The following INTS1 variants were observed in gnomAD, a reference collection of about 807,000 sequenced individuals.
INTS1 encodes integrator complex subunit 1.
A neutral mutation model predicts 241.6 loss-of-function variants in INTS1; 137 were observed. The ratio of observed to expected loss-of-function variants is 0.57; its 90% CI spans 0.49 to 0.65. The LOEUF is 0.65. Among genes scored for constraint, INTS1 ranks in the 30% least tolerant of loss-of-function variants. INTS1 has a pLI of 0.00. For missense variants in INTS1, 3,073 were observed against 3,032.2 expected, an observed-to-expected ratio of 1.01 and a Z score of -0.32; for synonymous variants, 1,692 against 1,337.8, an observed-to-expected ratio of 1.26 and a Z score of -5.78.
Position 1,478,590 on chromosome 7 carries a change from G to A in INTS1, c.4490-84C>T, listed in dbSNP as rs112935778. 599 of 1,526,352 alleles carry A rather than the reference G, an allele frequency of 3.9e-4. 2 individuals carry two copies. Among genetic ancestry groups the A allele is most frequent in the African/African-American group, 1.2e-3 (87 of 73,066 alleles). The allele number at this position is 1,526,352 out of a possible 1,614,324, so 94.6% of individuals were successfully genotyped here. ...CATCCAGGGAGGCCCCACGGTAGAA[G>A]GGCTCCCCTGGGCCCACGCGGGTAC... is the stretch of plus-strand genomic sequence containing the variant. On this transcript the variant is annotated intron_variant, in intron 32 of 47. Coordinates refer to ENST00000404767, the MANE Select transcript of INTS1 (RefSeq NM_001080453.3).
intron 16 of INTS1, among the ~76,000 whole-genome samples, chr7:1,490,194 G>A (rs1202004591): frequency 6.6e-6 from 1 of 152,260 alleles, no homozygotes; most frequent in Admixed American, 6.5e-5. Context: ...GAGAGAGGCA[G>A]GAGAACCTCA....
intron 16 of INTS1, among the ~76,000 whole-genome samples, chr7:1,490,060 G>A (rs948772162): frequency 6.2e-5 from 9 of 144,598 alleles, no homozygotes; most frequent in African/African-American, 2.2e-4. Flanking sequence ...CGGGCCCCTC[G>A]GGTGAGGAAA....
chr7:1,477,404 G>A (rs1328346246), intron 35 of INTS1, 146 bp downstream of exon 35: 1 of 919,416 alleles, frequency 1.1e-6, no homozygotes, highest in Non-Finnish European at 1.6e-6. Context: ...CCCTTCCTCT[G>A]GGTTGCTACA....
Position 1,483,867 on chromosome 7 carries a change from G to A in INTS1, c.3430-14C>T. On this transcript the variant is annotated splice_polypyrimidine_tract_variant and intron_variant, in intron 25 of 47. Coordinates refer to ENST00000404767, the MANE Select transcript of INTS1 (RefSeq NM_001080453.3). ...CTGAGACTCCGACTGTGGGAAAAGA[G>A]GTGGAGTCAGGCCGTAAGGTTCAGG... 1.2e-6 allele frequency: 2 copies of A among 1,604,404 alleles called. No homozygotes were observed. Among genetic ancestry groups the A allele is most frequent in the African/African-American group, 1.3e-5 (1 of 74,892 alleles).
intron 42 of INTS1, among the ~76,000 whole-genome samples, 185 bp from the exon 43 acceptor site, chr7:1,473,369 T>C (rs1444456033): frequency 1.3e-5 from 2 of 152,064 alleles, no homozygotes; most frequent in Non-Finnish European, 2.9e-5. Context: ...GCCAGAGAGC[T>C]GCAGGGGTGG....
At chr7:1,477,409 G>A (rs1274737230) in intron 35 of INTS1, 141 bp downstream of exon 35, 4 of 958,326 alleles carry the variant, frequency 4.2e-6, no homozygotes, top group African/African-American at 1.7e-5. Flanking sequence ...CCTCTGGGTT[G>A]CTACAGGGAC....
intron 39 of INTS1, 49 bp from the exon 40 acceptor site, chr7:1,474,887 GC>G: frequency 2.6e-6 from 4 of 1,537,072 alleles, no homozygotes; most frequent in Non-Finnish European, 3.5e-6. Context: ...CCCCTCACTT[GC>G]CCACCCACAC....
chr7:1,492,568 A>G (rs1328583299), intron 16 of INTS1, among the ~76,000 whole-genome samples: 5 of 152,280 alleles, frequency 3.3e-5, no homozygotes, highest in African/African-American at 7.2e-5. Flanking sequence ...CACACTTTAG[A>G]TAACACGTAC....
At chr7:1,487,535 G>A in intron 19 of INTS1, 86 bp from the exon 20 acceptor site, 1 of 1,493,546 alleles carries the variant, frequency 6.7e-7, no homozygotes, top group South Asian at 1.3e-5. Flanking sequence ...CTGCTTCGAG[G>A]GGCAGCCGAC....
At chr7:1,482,838 C>T (rs1782060677) in intron 26 of INTS1, 131 bp from the exon 27 acceptor site, 1 of 1,091,680 alleles carries the variant, frequency 9.2e-7, no homozygotes, top group African/African-American at 1.6e-5. Context: ...CACGGGGCTC[C>T]TGTGCTAGGT....
intron 24 of INTS1, 138 bp from the exon 25 acceptor site, chr7:1,484,308 A>G (rs767468644): frequency 1.1e-6 from 1 of 892,214 alleles, no homozygotes; most frequent in Non-Finnish European, 1.7e-6. Flanking sequence ...ACTCAGCCGC[A>G]GGCCGCCAGG....
At chr7:1,498,944 C>CGGG in intron 8 of INTS1, 31 bp downstream of exon 8, 1 of 1,106,262 alleles carries the variant, frequency 9.0e-7, no homozygotes, top group Non-Finnish European at 1.3e-6. Context: ...CCACCCCCTG[C>CGGG]CCCGCCCACC....
At position 1,478,402 on chromosome 7, in the gene INTS1, C is replaced by T. The variant is rs781290059; in HGVS notation, c.4594G>A (p.Glu1532Lys). 1 of 1,612,610 alleles carries T rather than the reference C, an allele frequency of 6.2e-7. No homozygotes were observed. The highest frequency in any genetic ancestry group is 1.3e-5 in the African/African-American group (1 of 74,926). Residue 1532 changes from glutamate to lysine, a missense_variant, in exon 33 of 48, where the codon GAG (glutamate) becomes AAG (lysine). Transcript: ENST00000404767. The stretch of plus-strand genomic sequence containing the variant: ...AGGTCCGGCTCCACGCTGCACTGCT[C>T]CCCAGACCTCAGGGTGGCGATGACG... ...RAVIATLRSG[E>K]QCSVEPDLIS...
rs368845872 is a variant in INTS1, at chr7:1,482,663, C to T, written c.3586G>A (p.Glu1196Lys). 1.4e-5 allele frequency: 22 copies of T among 1,612,646 alleles called. No homozygotes were observed. The African/African-American group carries it at 1.7e-4, about 13-fold the overall frequency. The change falls in exon 27 of 48, where the codon GAG (glutamate) becomes AAG (lysine). Residue 1196 changes from glutamate to lysine, a missense_variant. By Grantham distance (56) the Glu-to-Lys change is moderately conservative (BLOSUM62 1). Coordinates refer to ENST00000404767, the MANE Select transcript of INTS1 (RefSeq NM_001080453.3). ...AAGGCGGTGGGCAGTGGCTTCTCCTCCGGAAACCAGATGTCCAGCAGCGCC... is the reference window on the plus strand; with the variant it reads ...AAGGCGGTGGGCAGTGGCTTCTCCTTCGGAAACCAGATGTCCAGCAGCGCC... The part of the protein sequence containing the change: ...FQALLDIWFP[E>K]EKPLPTAFLV...
chr7:1,494,494 G>A (rs1050455366), intron 14 of INTS1: 60 of 438,920 alleles, frequency 1.4e-4, no homozygotes, highest in African/African-American at 1.0e-3. Flanking sequence ...AGGGGCAGAC[G>A]GTGCATCTGA....
In INTS1 at chr7:1,489,047, C is replaced by T. The variant is rs558596539; in HGVS notation, c.2318+297G>A. Among the ~76,000 whole-genome samples the T allele has an allele frequency of 3.9e-5, 6 of 152,300 alleles. No homozygotes were observed. The East Asian group carries it at 7.8e-4, about 20-fold the overall frequency. ...AGCATCGCACCACCCCCAGCCTGCC[C>T]AGTCCCCACTCCTGTCGGCAGCATA... On this transcript the variant is annotated intron_variant, in intron 18 of 47. Coordinates refer to ENST00000404767, the MANE Select transcript of INTS1 (RefSeq NM_001080453.3).
In INTS1 at chr7:1,487,941, G is replaced by A; in HGVS notation, c.2335C>T (p.Pro779Ser). ...GTCTCCTCATCCGTCAGGGTGCACG[G>A]TGGGTAGGAGTAGTTGCTAGGGCCA... ...MVMTNNYSYP[P>S]CTLTDEETRT... is the part of the protein sequence containing the mutation. The change falls in exon 19 of 48, where the codon CCG (proline) becomes TCG (serine). Residue 779 changes from proline (P) to serine (S), a missense_variant. Transcript: ENST00000404767. 6.2e-7 allele frequency: 1 copy of A among 1,613,294 alleles called. No individual in the cohort carries two copies. Among genetic ancestry groups the A allele is most frequent in the Non-Finnish European group, 8.5e-7 (1 of 1,179,836 alleles).
chr7:1,503,090 G>A lies in INTS1; in HGVS notation c.160C>T (p.Pro54Ser), dbSNP rs1783274246. 6.2e-7 allele frequency: 1 copy of A among 1,611,678 alleles called. No homozygotes were observed. Among genetic ancestry groups the A allele is most frequent in the Non-Finnish European group, 8.5e-7 (1 of 1,178,362 alleles). The change falls in exon 3 of 48, where the codon CCT becomes TCT. Residue 54 changes from proline to serine, a missense_variant. Pro to Ser is a moderately conservative substitution (Grantham distance 74, BLOSUM62 -1). Transcript: ENST00000404767. ...GCCGCATCCCGCTTGCGCTCAGAAG[G>A]CAGGCCGGAAGGGGCTGGCTTCAGC... Reference protein sequence around the residue: ...TLLKPAPSGLPSERKRDAAAA... With the variant: ...TLLKPAPSGLSSERKRDAAAA...
intron 13 of INTS1, 140 bp downstream of exon 13, chr7:1,495,293 T>G: frequency 8.3e-5 from 81 of 970,458 alleles, no homozygotes; most frequent in Non-Finnish European, 1.1e-4. Flanking sequence ...TGTCCCGGCT[T>G]AGTGGGGTGT....
Sources: allele counts gnomAD v4.1 joint callset (sites outside exome capture counted in the v4.1 genomes callset), GRCh38; gene constraint gnomAD v4.1.1; transcripts MANE v1.5; gene names NCBI Gene and HGNC (gene_info 2026-07-23, HGNC 2026-07-21).